NOS1AP: variants seen among roughly 807,000 people sequenced by gnomAD.
NOS1AP encodes nitric oxide synthase 1 adaptor protein.
NOS1AP carries 21 observed loss-of-function variants against 56.2 expected under a neutral mutation model. The ratio of observed to expected loss-of-function variants is 0.37; its 90% confidence interval spans 0.26 to 0.54. The LOEUF is 0.54. Ranked by LOEUF, NOS1AP falls within the 20% of genes least tolerant of loss-of-function variation. The pLI is 0.84. For missense variants in NOS1AP, 522 were observed against 657.8 expected (o/e 0.79, Z 2.26); for synonymous variants, 270 against 274.6 (o/e 0.98, Z 0.17).
intron 4 of NOS1AP, among the ~76,000 whole-genome samples, chr1:162,327,418 C>A (rs1656626502): frequency 6.6e-6 from 1 of 152,024 alleles, no homozygotes; most frequent in Non-Finnish European, 1.5e-5. Context: ...AAAAAGATTG[C>A]AAAAATAAAA....
At chr1:162,264,073 C>T (rs952103371) in intron 2 of NOS1AP, among the ~76,000 whole-genome samples, 2 of 152,208 alleles carry the variant, frequency 1.3e-5, no homozygotes, top group South Asian at 2.1e-4. Context: ...TGCCTCCACG[C>T]TGAACCTGTT....
chr1:162,211,660 C>T (rs528213795), intron 2 of NOS1AP, among the ~76,000 whole-genome samples: 19 of 152,220 alleles, frequency 1.2e-4, no homozygotes, highest in African/African-American at 1.9e-4. Flanking sequence ...CCTTCCTGTC[C>T]GAACTCTTTC....
At chr1:162,155,225 C>CAT (rs1210180504) in intron 2 of NOS1AP, among the ~76,000 whole-genome samples, 2 of 67,694 alleles carry the variant, frequency 3.0e-5, no homozygotes, top group Non-Finnish European at 8.4e-5. Context: ...AGCCTTTATA[C>CAT]ATATATATAT....
At position 162,299,349 on chromosome 1, in the gene NOS1AP, T is replaced by C. The variant is rs186566945; in HGVS notation, c.271-1284T>C. On this transcript the variant is annotated intron_variant, in intron 3 of 9. Coordinates refer to ENST00000361897, the MANE Select transcript of NOS1AP (RefSeq NM_014697.3). ...GGGATCCAGTTCATTTTACCAGGTTTTGGGGGGATCACTGGTAAGTAGGAT... is the reference window on the plus strand; with the variant it reads ...GGGATCCAGTTCATTTTACCAGGTTCTGGGGGGATCACTGGTAAGTAGGAT... Among the ~76,000 whole-genome samples the C allele has an allele frequency of 3.2e-3, 493 of 152,286 alleles. 1 individual carries two copies. Among genetic ancestry groups the C allele is most frequent in the Non-Finnish European group, 5.5e-3 (377 of 68,026 alleles).
intron 1 of NOS1AP, among the ~76,000 whole-genome samples, chr1:162,097,043 T>C (rs1209656589): frequency 6.6e-6 from 1 of 152,034 alleles, no homozygotes; most frequent in Non-Finnish European, 1.5e-5. Flanking sequence ...TGACAAAATA[T>C]ACATTCATAT....
At chr1:162,124,681 C>T (rs1169700699) in intron 1 of NOS1AP, among the ~76,000 whole-genome samples, 2 of 152,076 alleles carry the variant, frequency 1.3e-5, no homozygotes, top group Non-Finnish European at 2.9e-5. Flanking sequence ...GCCAGCGCGC[C>T]CAGCTAATTT....
intron 2 of NOS1AP, among the ~76,000 whole-genome samples, chr1:162,159,093 A>G (rs1288982044): frequency 1.3e-5 from 2 of 152,186 alleles, no homozygotes; most frequent in Non-Finnish European, 2.9e-5. Flanking sequence ...CTGGCATTGC[A>G]CTGTCAGTCC....
At chr1:162,191,674 C>T (rs766989552) in intron 2 of NOS1AP, among the ~76,000 whole-genome samples, 3 of 152,166 alleles carry the variant, frequency 2.0e-5, no homozygotes, top group Non-Finnish European at 4.4e-5. Flanking sequence ...CCTCTTCCTC[C>T]CCCATTGATA....
chr1:162,091,444 G>A (rs1692128661), intron 1 of NOS1AP, among the ~76,000 whole-genome samples: 1 of 152,052 alleles, frequency 6.6e-6, no homozygotes, highest in South Asian at 2.1e-4. Context: ...AAATTTTGTT[G>A]AGTGTCATCC....
In NOS1AP at chr1:162,147,726, A is replaced by G. The variant is rs192480849; in HGVS notation, c.106-6679A>G. Reference sequence around the variant, plus strand: ...CAGTTAGCTCCTGCTTATCTGGAAGATAAGATAGAACAGATACAGATAATC... The same window carrying G: ...CAGTTAGCTCCTGCTTATCTGGAAGGTAAGATAGAACAGATACAGATAATC... On this transcript the variant is annotated intron_variant, in intron 1 of 9. Coordinates refer to ENST00000361897, the MANE Select transcript of NOS1AP (RefSeq NM_014697.3). Among the ~76,000 whole-genome samples the G allele has an allele frequency of 1.2e-3, 179 of 152,398 alleles. 1 individual carries two copies. The highest frequency in any genetic ancestry group is 1.8e-3 in the Non-Finnish European group (123 of 68,044).
intron 2 of NOS1AP, among the ~76,000 whole-genome samples, chr1:162,253,222 C>T (rs140649112): frequency 1.2e-4 from 19 of 152,264 alleles, no homozygotes; most frequent in Middle Eastern, 6.8e-3. Context: ...TTCTTCCTTC[C>T]GCCATGGGAC....
intron 2 of NOS1AP, among the ~76,000 whole-genome samples, chr1:162,206,167 C>T (rs774217730): frequency 2.0e-5 from 3 of 151,936 alleles, no homozygotes; most frequent in Non-Finnish European, 4.4e-5. Flanking sequence ...TAATGTTCAG[C>T]AAGTGGCTGA....
At chr1:162,148,328 G>A (rs1423828971) in intron 1 of NOS1AP, among the ~76,000 whole-genome samples, 3 of 152,206 alleles carry the variant, frequency 2.0e-5, no homozygotes, top group Non-Finnish European at 2.9e-5. Flanking sequence ...GGCACGGTCA[G>A]CTAGTGATGA....
chr1:162,078,918 C>T (rs992777132), intron 1 of NOS1AP, among the ~76,000 whole-genome samples: 2 of 152,178 alleles, frequency 1.3e-5, no homozygotes, highest in African/African-American at 4.8e-5. Context: ...TTCATCCCTA[C>T]ATTGTCATTG....
chr1:162,128,377 G>A (rs1486621616), intron 1 of NOS1AP, among the ~76,000 whole-genome samples: 1 of 151,878 alleles, frequency 6.6e-6, no homozygotes, highest in Non-Finnish European at 1.5e-5. Flanking sequence ...TTCTATTTTT[G>A]GGGGTATATT....
In NOS1AP at chr1:162,357,095, C is replaced by T; in HGVS notation, c.898C>T (p.Leu300Phe). Residue 300 changes from leucine to phenylalanine, a missense_variant, in exon 8 of 10, where the codon CTC becomes TTC. Coordinates refer to ENST00000361897, the MANE Select transcript of NOS1AP (RefSeq NM_014697.3). ...HHQMQLLQQL[L>F]QQQQQQTQVA... is the part of the protein sequence containing the mutation. Reference sequence around the variant, plus strand: ...CCAGATGCAGCTCCTCCAGCAGCTCCTCCAGCAGCAGCAGCAGCAGACACA... The same window carrying T: ...CCAGATGCAGCTCCTCCAGCAGCTCTTCCAGCAGCAGCAGCAGCAGACACA... 1 of 1,611,290 alleles carries T rather than the reference C, an allele frequency of 6.2e-7. No homozygotes were observed. The highest frequency in any genetic ancestry group is 8.5e-7 in the Non-Finnish European group (1 of 1,179,928).
chr1:162,149,824 TAAA>T (rs1028788474), intron 1 of NOS1AP, among the ~76,000 whole-genome samples: 2 of 152,250 alleles, frequency 1.3e-5, no homozygotes. Flanking sequence ...TATTTTATTT[TAAA>T]AAATTTATTT....
chr1:162,070,628 T>G (rs113872533), intron 1 of NOS1AP, among the ~76,000 whole-genome samples: 128 of 152,312 alleles, frequency 8.4e-4, no homozygotes, highest in Middle Eastern at 3.4e-3. Flanking sequence ...CCTGGTCGTT[T>G]AGAATCGGTT....
intron 5 of NOS1AP, among the ~76,000 whole-genome samples, chr1:162,337,644 G>A (rs1656982553): frequency 6.6e-6 from 1 of 152,212 alleles, no homozygotes; most frequent in African/African-American, 2.4e-5. Context: ...CACTGGGATT[G>A]TAACTCAGAC....
Sources: allele counts gnomAD v4.1 joint callset (sites outside exome capture counted in the v4.1 genomes callset), GRCh38; gene constraint gnomAD v4.1.1; transcripts MANE v1.5; gene names NCBI Gene and HGNC (gene_info 2026-07-23, HGNC 2026-07-21).